Variants in LINGO1 observed in about 807,000 individuals in gnomAD.
The protein encoded by LINGO1 is leucine rich repeat and Ig domain containing 1.
LINGO1 carries 11 observed loss-of-function variants against 37.3 expected under a neutral mutation model. That is an observed-to-expected ratio of 0.29 (90% CI 0.19 to 0.49). LINGO1 has a LOEUF of 0.49. LINGO1 is among the 20% of genes least tolerant of loss of function. The pLI, the probability that LINGO1 is intolerant of heterozygous loss-of-function variation, is 0.99. For missense variants in LINGO1, 585 were observed against 878.2 expected, an observed-to-expected ratio of 0.67 and a Z score of 4.22; for synonymous variants, 387 against 403.0, an observed-to-expected ratio of 0.96 and a Z score of 0.48.
At chr15:77,644,589 C>T (rs1226507670) in intron 3 of LINGO1, among the ~76,000 whole-genome samples, 1 of 152,206 alleles carries the variant, frequency 6.6e-6, no homozygotes, top group East Asian at 1.9e-4. Flanking sequence ...GATGTGGACC[C>T]AGAATATGAC....
At chr15:77,753,741 C>T (rs1373435031) in intron 1 of LINGO1, among the ~76,000 whole-genome samples, 1 of 152,170 alleles carries the variant, frequency 6.6e-6, no homozygotes, top group African/African-American at 2.4e-5. Context: ...GCTGGAGGCA[C>T]ACACACACCA....
At chr15:77,760,353 C>T (rs914287722) in intron 1 of LINGO1, among the ~76,000 whole-genome samples, 6 of 152,250 alleles carry the variant, frequency 3.9e-5, no homozygotes, top group African/African-American at 1.4e-4. Context: ...CAGTCCCTGT[C>T]TGCAAATGCA....
chr15:77,773,628 G>A (rs1176942762), intron 1 of LINGO1, among the ~76,000 whole-genome samples: 1 of 152,150 alleles, frequency 6.6e-6, no homozygotes, highest in Non-Finnish European at 1.5e-5. Flanking sequence ...CTCGGCACAA[G>A]CGACCCTGGA....
At chr15:77,750,652 C>T (rs2076362085) in intron 1 of LINGO1, among the ~76,000 whole-genome samples, 1 of 152,236 alleles carries the variant, frequency 6.6e-6, no homozygotes, top group Non-Finnish European at 1.5e-5. Flanking sequence ...TTTTACCATT[C>T]CCCTGTGCTG....
rs2074288871 is a variant in LINGO1 at position 77,632,501 on chromosome 15, C to CGAGCCG, written c.-192_-187dup. 4.3e-6 allele frequency: 2 copies of CGAGCCG among 467,880 alleles called. No individual in the cohort carries two copies. The highest frequency in any genetic ancestry group is 4.3e-5 in the East Asian group (1 of 23,036). 29.0% of individuals were successfully genotyped at this position (467,880 alleles called of 1,614,324 possible). ...CTGTCCGCCCCGCGCGGGCGGGAGC[C>CGAGCCG]GAGCCGGAGCCGGGGCCGGGGCTCG... On this transcript the variant is annotated 5_prime_UTR_variant, in exon 1 of 2. Coordinates refer to ENST00000355300, the MANE Select transcript of LINGO1 (RefSeq NM_032808.7). The surrounding 1 kb of genome is among the most constrained non-coding windows in gnomAD (Gnocchi z 6.0).
chr15:77,668,867 C>T (rs1221536203), intron 3 of LINGO1, among the ~76,000 whole-genome samples: 1 of 150,528 alleles, frequency 6.6e-6, no homozygotes, highest in Non-Finnish European at 1.5e-5. Context: ...CTGGGTTCTT[C>T]CTAGCCCTTG....
intron 1 of LINGO1, among the ~76,000 whole-genome samples, chr15:77,757,672 G>A (rs192237688): frequency 4.8e-5 from 7 of 146,496 alleles, no homozygotes; most frequent in Admixed American, 4.7e-4. Flanking sequence ...GAGGAGACTG[G>A]GTGCGGGGAC....
At chr15:77,646,389 A>AGTCCTGCCTCACAG in intron 3 of LINGO1, 1 of 450,788 alleles carries the variant, frequency 2.2e-6, no homozygotes, top group Non-Finnish European at 4.5e-6. Context: ...TCCCCACAGG[A>AGTCCTGCCTCACAG]CACCCCTCTG....
intron 2 of LINGO1, among the ~76,000 whole-genome samples, chr15:77,724,473 C>T (rs1339346749): frequency 6.6e-6 from 1 of 152,216 alleles, no homozygotes; most frequent in Non-Finnish European, 1.5e-5. Context: ...CACATTCCCC[C>T]AGCTGCGCCC....
intron 2 of LINGO1, among the ~76,000 whole-genome samples, chr15:77,717,722 C>G (rs914506908): frequency 6.6e-6 from 1 of 150,678 alleles, no homozygotes; most frequent in East Asian, 2.1e-4. Context: ...AGCCCAGGCC[C>G]GGGCTGTTCT....
intron 1 of LINGO1, among the ~76,000 whole-genome samples, chr15:77,627,817 C>T (rs1276065913): frequency 1.3e-5 from 2 of 152,130 alleles, no homozygotes; most frequent in Non-Finnish European, 2.9e-5. Context: ...CTTGGGGAGT[C>T]CTCCCTGATT....
Position 77,719,548 on chromosome 15 carries a change from G to A in LINGO1, c.-195+15444C>T, listed in dbSNP as rs569195770. On this transcript the variant is annotated intron_variant, in intron 2 of 3. Transcript: ENST00000561686. ...CGGGGGCAGCCACCACGCAGCACTC[G>A]GCTCCTGCCGGCATATGCTTGCTGG... 2.7e-5 allele frequency among the ~76,000 whole-genome samples: 4 copies of A among 149,664 alleles called. 1 individual carries two copies. The highest frequency in any genetic ancestry group is 9.7e-5 in the African/African-American group (4 of 41,344).
intron 3 of LINGO1, among the ~76,000 whole-genome samples, chr15:77,671,113 C>G (rs1047317185): frequency 5.3e-5 from 8 of 152,164 alleles, no homozygotes; most frequent in Non-Finnish European, 1.0e-4. Flanking sequence ...CTTGCAGCAC[C>G]TCTGGGAGGG....
chr15:77,670,942 C>T (rs2075237201), intron 3 of LINGO1, among the ~76,000 whole-genome samples: 1 of 152,220 alleles, frequency 6.6e-6, no homozygotes, highest in African/African-American at 2.4e-5. Context: ...AGCCCAGGCC[C>T]TGTCTATCAT....
At chr15:77,799,361 A>G (rs2076898791) in intron 1 of LINGO1, among the ~76,000 whole-genome samples, 1 of 152,126 alleles carries the variant, frequency 6.6e-6, no homozygotes, top group East Asian at 1.9e-4. Flanking sequence ...TGCACTTCTG[A>G]GCCATGCTTC....
intron 1 of LINGO1, among the ~76,000 whole-genome samples, chr15:77,617,439 C>T (rs1256833051): frequency 6.6e-6 from 1 of 152,192 alleles, no homozygotes; most frequent in Non-Finnish European, 1.5e-5. Flanking sequence ...AAAGACCCAT[C>T]CCTGCTCCTC....
chr15:77,746,840 C>T (rs1424454423), intron 1 of LINGO1, among the ~76,000 whole-genome samples: 1 of 152,112 alleles, frequency 6.6e-6, no homozygotes, highest in East Asian at 1.9e-4. Flanking sequence ...ATACATCTGC[C>T]TCCCACCCCT....
At chr15:77,736,791 A>G (rs912489435) in intron 1 of LINGO1, among the ~76,000 whole-genome samples, 7 of 152,262 alleles carry the variant, frequency 4.6e-5, no homozygotes, top group South Asian at 4.2e-4. Context: ...GAAAAACCAA[A>G]AAGAAAGAAA....
chr15:77,698,381 TC>T (rs1219743571), upstream of LINGO1, among the ~76,000 whole-genome samples: 6 of 152,222 alleles, frequency 3.9e-5, no homozygotes, highest in African/African-American at 1.4e-4. Context: ...CCTACTACGT[TC>T]CAGGCACCAT....
Sources: gnomAD v4.1 joint callset for allele counts (sites outside exome capture counted in the v4.1 genomes callset) on GRCh38, gnomAD v4.1.1 for gene constraint, Gnocchi (gnomAD v3.1) non-coding constraint, MANE v1.5 for transcripts, NCBI Gene and HGNC (gene_info 2026-07-23, HGNC 2026-07-21) for gene names.